Variants in EXD1 observed in about 807,000 individuals in gnomAD.
EXD1 encodes the protein piRNA biogenesis protein EXD1.
Under a neutral mutation model 49.1 loss-of-function variants are expected in EXD1, and 63 were observed. The observed-to-expected ratio is 1.28, with a 90% CI of 1.05 to 1.58. The LOEUF (loss-of-function observed/expected upper bound fraction) is 1.58, where lower values mean the gene tolerates loss of function less well. EXD1 is among the 40% of genes most tolerant of loss of function. EXD1 has a pLI of 0.00. For synonymous variants in EXD1, 234 were observed against 239.2 expected (o/e 0.98, Z 0.20); for missense variants, 748 against 666.0 (o/e 1.12, Z -1.36).
At chr15:41,217,209 T>G in intron 3 of EXD1, 55 bp from the exon 4 acceptor site, 1 of 1,409,066 alleles carries the variant, frequency 7.1e-7, no homozygotes, top group Non-Finnish European at 1.0e-6. Context: ...ATCAATTAAC[T>G]ACTCCACTAC....
intron 6 of EXD1, among the ~76,000 whole-genome samples, chr15:41,213,842 T>A (rs902418227): frequency 4.6e-5 from 7 of 152,176 alleles, no homozygotes; most frequent in African/African-American, 1.7e-4. Context: ...GTGACTACAC[T>A]AAAAGAAAAT....
chr15:41,183,774 G>T lies in EXD1; in HGVS notation c.*157C>A. 2 of 592,330 alleles carry T rather than the reference G, an allele frequency of 3.4e-6. No individual in the cohort carries two copies. Among genetic ancestry groups the T allele is most frequent in the Non-Finnish European group, 2.8e-6 (1 of 351,988 alleles). The allele number at this position is 592,330 out of a possible 1,614,324, so 36.7% of individuals were successfully genotyped here. ...TTTAACTTATTCATTCTCATTCTCC[G>T]CATACCAGGAACACAGGAGTAAGCA... On this transcript the variant is annotated 3_prime_UTR_variant, in exon 12 of 12. Coordinates refer to ENST00000458580, the MANE Select transcript of EXD1 (RefSeq NM_001286441.2).
chr15:41,187,843 C>T (rs2046439025), intron 11 of EXD1, among the ~76,000 whole-genome samples: 1 of 151,638 alleles, frequency 6.6e-6, no homozygotes. Flanking sequence ...TGGAGTAACC[C>T]CGTCTCTACT....
chr15:41,186,743 T>C (rs2046414210), intron 11 of EXD1, among the ~76,000 whole-genome samples: 4 of 151,986 alleles, frequency 2.6e-5, no homozygotes, highest in Admixed American at 2.6e-4. Flanking sequence ...TTACATTTCA[T>C]ATAAGGGACA....
At chr15:41,189,390 G>A (rs1226437797) in intron 11 of EXD1, among the ~76,000 whole-genome samples, 7 of 149,630 alleles carry the variant, frequency 4.7e-5, no homozygotes, top group African/African-American at 9.9e-5. Flanking sequence ...TAGGCTGGGC[G>A]TGGTGGTTCA....
At chr15:41,227,022 T>C (rs1566997442) in intron 1 of EXD1, among the ~76,000 whole-genome samples, 1 of 152,204 alleles carries the variant, frequency 6.6e-6, no homozygotes, top group Non-Finnish European at 1.5e-5. Context: ...TGCAATAAAT[T>C]GTTTAGGGCA....
At chr15:41,190,386 T>A (rs1307982430) in intron 10 of EXD1, 5 of 404,124 alleles carry the variant, frequency 1.2e-5, no homozygotes, top group African/African-American at 2.0e-5. Context: ...GGCAGGAGAA[T>A]CGCTTAAACC....
intron 7 of EXD1, among the ~76,000 whole-genome samples, chr15:41,200,851 C>T (rs1176577823): frequency 1.3e-5 from 2 of 151,934 alleles, no homozygotes; most frequent in Non-Finnish European, 2.9e-5. Flanking sequence ...GAAACAACCC[C>T]CACACATCTG....
intron 5 of EXD1, 37 bp downstream of exon 5, chr15:41,216,631 C>CAAA: frequency 8.8e-7 from 1 of 1,137,686 alleles, no homozygotes. Context: ...AACTCCATCT[C>CAAA]AAAAAAAAAA....
At position 41,191,597 on chromosome 15, in the gene EXD1, T is replaced by G. The variant is rs375492102; in HGVS notation, c.721-12A>C. Reference sequence around the variant, plus strand: ...AGTACATCTGCTACCTGTGGTATTTTAAAAAGACAAACAGACCAGTTGAAT... The same window carrying G: ...AGTACATCTGCTACCTGTGGTATTTGAAAAAGACAAACAGACCAGTTGAAT... On this transcript the variant is annotated splice_polypyrimidine_tract_variant and intron_variant, in intron 9 of 11. Transcript: ENST00000458580. The G allele has an allele frequency of 6.2e-7, 1 of 1,612,906 alleles. No homozygotes were observed. Among genetic ancestry groups the G allele is most frequent in the Non-Finnish European group, 8.5e-7 (1 of 1,179,458 alleles).
chr15:41,207,403 T>C (rs965084921), intron 7 of EXD1, among the ~76,000 whole-genome samples: 5 of 151,760 alleles, frequency 3.3e-5, no homozygotes, highest in Admixed American at 2.6e-4. Context: ...CTGGGAGTGG[T>C]GGCACATGCC....
Position 41,215,804 on chromosome 15 carries a change from T to G in EXD1, c.418A>C (p.Asn140His), listed in dbSNP as rs144119621. Residue 140 changes from asparagine (N) to histidine (H), a missense_variant, in exon 6 of 12, where the codon AAT (asparagine) becomes CAT (histidine). Coordinates refer to ENST00000458580, the MANE Select transcript of EXD1 (RefSeq NM_001286441.2). ...GCACCAAACTTCTGCTGGAATTGATTAATGACTGTGTATGTCACCTCCTCT... is the reference window on the plus strand; with the variant it reads ...GCACCAAACTTCTGCTGGAATTGATGAATGACTGTGTATGTCACCTCCTCT... ...EEEEVTYTVI[N>H]QFQQKFGAAI... 238 of 1,614,090 alleles carry G rather than the reference T, an allele frequency of 1.5e-4. 2 individuals are homozygous for G. In the East Asian group the frequency reaches 5.3e-3, roughly 36 times the overall value.
At position 41,191,490 on chromosome 15, in the gene EXD1, T is replaced by C; in HGVS notation, c.816A>G (p.Val272=). ...LQESLIKHLQ[V]APKYLSFLEK... ...CTAGAAAGGAGAGATATTTAGGGGC[T>C]ACTTGAAGGTGTTTGATTAAACTCT... The change falls in exon 10 of 12, where the codon GTA becomes GTG. Residue 272 remains valine, a synonymous_variant. Coordinates refer to ENST00000458580, the MANE Select transcript of EXD1 (RefSeq NM_001286441.2). 3.1e-6 allele frequency: 5 copies of C among 1,613,306 alleles called. No individual in the cohort carries two copies. Among genetic ancestry groups the C allele is most frequent in the Non-Finnish European group, 3.4e-6 (4 of 1,179,286 alleles).
intron 5 of EXD1, among the ~76,000 whole-genome samples, chr15:41,216,284 T>C (rs1595454133): frequency 6.6e-6 from 1 of 151,002 alleles, no homozygotes. Flanking sequence ...GAGAGCCTAG[T>C]TGAATTTGAC....
At chr15:41,199,822 T>TA (rs141542856) in intron 7 of EXD1, among the ~76,000 whole-genome samples, 238 of 131,276 alleles carry the variant, frequency 1.8e-3, no homozygotes, top group African/African-American at 6.3e-3. Context: ...CATATATAGA[T>TA]ATATGTCAAT....
At chr15:41,214,595 G>C (rs1595452433) in intron 6 of EXD1, among the ~76,000 whole-genome samples, 3 of 151,968 alleles carry the variant, frequency 2.0e-5, no homozygotes, top group Admixed American at 2.0e-4. Context: ...TGTCTAGAAA[G>C]CCCTAAGTGA....
chr15:41,200,901 G>A (rs2046718123), intron 7 of EXD1, among the ~76,000 whole-genome samples: 1 of 151,124 alleles, frequency 6.6e-6, no homozygotes, highest in Non-Finnish European at 1.5e-5. Flanking sequence ...TTGAGATGGA[G>A]TCTTGCTCTG....
chr15:41,203,916 C>CAAAAAAAA (rs1187093511), intron 7 of EXD1, among the ~76,000 whole-genome samples: 870 of 23,222 alleles, frequency 0.037, 112 homozygotes, highest in African/African-American at 0.085. Flanking sequence ...GACTTCTCCT[C>CAAAAAAAA]AAAAAAAAAA....
At chr15:41,206,129 T>C (rs1020901508) in intron 7 of EXD1, among the ~76,000 whole-genome samples, 5 of 152,032 alleles carry the variant, frequency 3.3e-5, no homozygotes, top group Non-Finnish European at 5.9e-5. Flanking sequence ...ATAGATTATG[T>C]GTAAAACTGA....
Sources: gnomAD v4.1 joint callset for allele counts (sites outside exome capture counted in the v4.1 genomes callset) on GRCh38, gnomAD v4.1.1 for gene constraint, MANE v1.5 for transcripts, NCBI Gene and HGNC (gene_info 2026-07-23, HGNC 2026-07-21) for gene names.